The following SSU72 variants were observed in gnomAD, a reference collection of about 807,000 sequenced individuals.
The protein encoded by SSU72 is RNA polymerase II subunit A C-terminal domain phosphatase SSU72.
A neutral mutation model predicts 22.7 loss-of-function variants in SSU72; 12 were observed. That is an observed-to-expected ratio of 0.53 (90% CI 0.34 to 0.86). SSU72 has a LOEUF of 0.86. SSU72 is among the 40% of genes least tolerant of loss of function. SSU72 has a pLI of 0.02. For synonymous variants in SSU72, 116 were observed against 98.3 expected (o/e 1.18, Z -1.06); for missense variants, 151 against 249.8 (o/e 0.60, Z 2.67).
rs796528151 is a variant in SSU72, at chr1:1,572,888, G to C, written c.80+1590C>G. Among the ~76,000 whole-genome samples the C allele has an allele frequency of 2.7e-4, 38 of 142,854 alleles. 2 individuals carry two copies. The highest frequency in any genetic ancestry group is 8.4e-4 in the African/African-American group (33 of 39,462). The allele number at this position is 142,854 out of a possible 152,430, so 93.7% of individuals were successfully genotyped here. Reference sequence around the variant, plus strand: ...CAATAATTTTGTCTTGGGGGGGGGGGGGTGAGCCTTGCATTGTTTTGCTTA... The same window carrying C: ...CAATAATTTTGTCTTGGGGGGGGGGCGGTGAGCCTTGCATTGTTTTGCTTA... On this transcript the variant is annotated intron_variant, in intron 1 of 4. Coordinates refer to ENST00000291386, the MANE Select transcript of SSU72 (RefSeq NM_014188.3).
At chr1:1,544,515 G>A (rs1642368168) in intron 3 of SSU72, 3 of 337,356 alleles carry the variant, frequency 8.9e-6, no homozygotes, top group South Asian at 2.8e-5. Flanking sequence ...CTACTCGGGA[G>A]GCTGAGGCAG....
intron 2 of SSU72, among the ~76,000 whole-genome samples, chr1:1,551,642 T>C (rs1452371181): frequency 6.6e-6 from 1 of 152,238 alleles, no homozygotes; most frequent in Non-Finnish European, 1.5e-5. Context: ...GCTCCCATCC[T>C]GCCCACCAGC....
chr1:1,545,031 G>A (rs748390194), intron 2 of SSU72, 29 bp from the exon 3 acceptor site: 1 of 1,606,988 alleles, frequency 6.2e-7, no homozygotes, highest in East Asian at 2.2e-5. Flanking sequence ...GAACGTCAGA[G>A]AAAAGGCATC....
At chr1:1,565,849 C>T (rs935517048) in intron 1 of SSU72, among the ~76,000 whole-genome samples, 1 of 152,194 alleles carries the variant, frequency 6.6e-6, no homozygotes. Flanking sequence ...CTAGTTCACG[C>T]AAGGAGAAAG....
chr1:1,573,675 G>A (rs920748555), intron 1 of SSU72, among the ~76,000 whole-genome samples: 1 of 152,074 alleles, frequency 6.6e-6, no homozygotes, highest in Admixed American at 6.6e-5. Flanking sequence ...AAGTTGCTCA[G>A]GAAAGTTATA....
chr1:1,546,872 A>C (rs897347221), intron 2 of SSU72, among the ~76,000 whole-genome samples: 17 of 147,604 alleles, frequency 1.2e-4, no homozygotes, highest in African/African-American at 3.5e-4. Flanking sequence ...AAAAAAAAAA[A>C]AAAAAAAAAA....
chr1:1,574,781 GA>G lies in SSU72; in HGVS notation c.-225del, dbSNP rs1429459411. 4.3e-6 allele frequency: 1 copy of G among 232,758 alleles called. No homozygotes were observed. Among genetic ancestry groups the G allele is most frequent in the Non-Finnish European group, 8.2e-6 (1 of 121,654 alleles). 14.4% of individuals were successfully genotyped at this position (232,758 alleles called of 1,614,324 possible). On this transcript the variant is annotated 5_prime_UTR_variant, in exon 1 of 5. Coordinates refer to ENST00000291386, the MANE Select transcript of SSU72 (RefSeq NM_014188.3). The stretch of plus-strand genomic sequence containing the variant: ...GGCCTTCGGGCGCGCTGCACTCGGC[GA>G]GGCCGGGGGCGGCCAACGCCGCGCC...
At chr1:1,552,454 A>C (rs777405281) in intron 2 of SSU72, among the ~76,000 whole-genome samples, 3 of 152,112 alleles carry the variant, frequency 2.0e-5, no homozygotes, top group Non-Finnish European at 4.4e-5. Context: ...CTGACAAATG[A>C]TCCGGTGTGA....
chr1:1,564,383 C>A, intron 2 of SSU72: 1 of 1,250,386 alleles, frequency 8.0e-7, no homozygotes, highest in Non-Finnish European at 1.1e-6. Context: ...CCATGTGTAT[C>A]AGGCACGCAC....
In SSU72 at chr1:1,574,775, C is replaced by A. The variant is rs1462802511; in HGVS notation, c.-218G>T. On this transcript the variant is annotated 5_prime_UTR_variant, in exon 1 of 5. Transcript: ENST00000291386. ...GGCACTGGCCTTCGGGCGCGCTGCA[C>A]TCGGCGAGGCCGGGGGCGGCCAACG... 8.0e-6 allele frequency: 2 copies of A among 249,304 alleles called. No individual in the cohort carries two copies. The highest frequency in any genetic ancestry group is 1.5e-5 in the Non-Finnish European group (2 of 132,900). 15.4% of individuals were successfully genotyped at this position (249,304 alleles called of 1,614,324 possible). A position where few individuals can be genotyped will look rare whatever the true frequency, so the allele number is the denominator to read the frequency against.
chr1:1,559,913 G>A (rs914306621), intron 2 of SSU72, among the ~76,000 whole-genome samples: 19 of 152,118 alleles, frequency 1.2e-4, no homozygotes, highest in African/African-American at 2.2e-4. Context: ...TAGTAGAGAC[G>A]GGGGTTTCTC....
chr1:1,543,822 CCT>C (rs751501934), intron 4 of SSU72, 45 bp downstream of exon 4: 56 of 1,500,024 alleles, frequency 3.7e-5, no homozygotes, highest in African/African-American at 1.1e-4. Flanking sequence ...CGGTCACTCC[CCT>C]CTGTCACAAC....
chr1:1,563,354 A>C (rs1407355924), intron 2 of SSU72: 1 of 151,280 alleles, frequency 6.6e-6, no homozygotes, highest in African/African-American at 2.4e-5. Flanking sequence ...CAAGATGGTG[A>C]AACCCCCGTC....
Position 1,543,641 on chromosome 1 carries a change from G to A in SSU72, c.483+228C>T, listed in dbSNP as rs1007701642. ...GGCCACTCCCCACTGTCACGGCCTC[G>A]GCCACTCCCCTCTGTCACGGCCTCG... On this transcript the variant is annotated intron_variant, in intron 4 of 4. Coordinates refer to ENST00000291386, the MANE Select transcript of SSU72 (RefSeq NM_014188.3). Among the ~76,000 whole-genome samples, 45 of 150,684 alleles carry A rather than the reference G, an allele frequency of 3.0e-4. No individual in the cohort carries two copies. In the South Asian group the frequency reaches 4.9e-3, roughly 16 times the overall value.
At chr1:1,558,133 G>A (rs1215773358) in intron 2 of SSU72, among the ~76,000 whole-genome samples, 2 of 150,034 alleles carry the variant, frequency 1.3e-5, no homozygotes, top group African/African-American at 2.5e-5. Flanking sequence ...ACCCAGGGTC[G>A]GAGGTTGCAG....
Position 1,556,189 on chromosome 1 carries a change from T to C in SSU72, c.224+8584A>G, listed in dbSNP as rs574655391. On this transcript the variant is annotated intron_variant, in intron 2 of 4. Transcript: ENST00000291386. ...GGCTCACGCCTATAATCCCAGCACT[T>C]TGGGAGGCCAAGGCGGGTGGATCAC... Among the ~76,000 whole-genome samples the C allele has an allele frequency of 8.6e-5, 13 of 151,148 alleles. No individual in the cohort carries two copies. In the East Asian group the frequency reaches 2.2e-3, roughly 25 times the overall value.
rs552671650 is a variant in SSU72 at position 1,542,219 on chromosome 1, C to G, written c.484-52G>C. ...CCTTGCCCACTCCTGCCTGTCTGCT[C>G]CCCCTAACACCTGGATCGCCAGGGA... is the stretch of plus-strand genomic sequence containing the variant. On this transcript the variant is annotated intron_variant, in intron 4 of 4. Coordinates refer to ENST00000291386, the MANE Select transcript of SSU72 (RefSeq NM_014188.3). The surrounding 1 kb of genome is among the most constrained non-coding windows in gnomAD (Gnocchi z 4.4). 2.6e-6 allele frequency: 4 copies of G among 1,512,656 alleles called. No homozygotes were observed. The highest frequency in any genetic ancestry group is 2.0e-5 in the Admixed American group (1 of 50,942). 93.7% of individuals were successfully genotyped at this position (1,512,656 alleles called of 1,614,324 possible). A position where few individuals can be genotyped will look rare whatever the true frequency, so the allele number is the denominator to read the frequency against.
chr1:1,552,899 T>C (rs1642469887), intron 2 of SSU72, among the ~76,000 whole-genome samples: 1 of 151,356 alleles, frequency 6.6e-6, no homozygotes, highest in Non-Finnish European at 1.5e-5. Flanking sequence ...CTAATGCCTG[T>C]AATCCCAGCT....
At chr1:1,555,242 A>G (rs1439645872) in intron 2 of SSU72, among the ~76,000 whole-genome samples, 6 of 152,178 alleles carry the variant, frequency 3.9e-5, no homozygotes, top group Non-Finnish European at 8.8e-5. Context: ...TTTCCATGGC[A>G]AAACTCAAAG....
Sources: gnomAD v4.1 joint callset for allele counts (sites outside exome capture counted in the v4.1 genomes callset) on GRCh38, gnomAD v4.1.1 for gene constraint, Gnocchi (gnomAD v3.1) non-coding constraint, MANE v1.5 for transcripts, NCBI Gene and HGNC (gene_info 2026-07-23, HGNC 2026-07-21) for gene names.